The following MKLN1 variants were observed in gnomAD, a reference collection of about 807,000 sequenced individuals.
MKLN1 encodes muskelin 1, also known as muskelin.
Under a neutral mutation model 99.0 loss-of-function variants are expected in MKLN1, and 18 were observed. The ratio of observed to expected loss-of-function variants is 0.18; its 90% CI spans 0.13 to 0.27. MKLN1 has a LOEUF of 0.27. Ranked by LOEUF, MKLN1 falls within the 10% of genes least tolerant of loss-of-function variation. MKLN1 has a pLI of 1.00. For missense variants in MKLN1, 621 were observed against 875.9 expected, an observed-to-expected ratio of 0.71 and a Z score of 3.67; for synonymous variants, 288 against 293.2, an observed-to-expected ratio of 0.98 and a Z score of 0.18.
At chr7:131,231,075 G>A (rs563370858) in intron 3 of MKLN1, among the ~76,000 whole-genome samples, 9 of 119,542 alleles carry the variant, frequency 7.5e-5, no homozygotes, top group South Asian at 3.0e-4. Flanking sequence ...AGCGGAGATC[G>A]TACCACTGCA....
Position 131,227,510 on chromosome 7 carries a change from TTTC to T in MKLN1, c.-179+24539_-179+24541del, listed in dbSNP as rs769853883. On this transcript the variant is annotated intron_variant, in intron 3 of 7. Transcript: ENST00000416992. Reference sequence around the variant, plus strand: ...CTCTTTCTTTCTCTTTCTTTCTTTCTTTCTTTCTTTCTTTCTTTCTTTCTTTCT... The same window carrying T: ...CTCTTTCTTTCTCTTTCTTTCTTTCTTTTCTTTCTTTCTTTCTTTCTTTCT... Among the ~76,000 whole-genome samples the T allele has an allele frequency of 1.6e-3, 230 of 146,548 alleles. 2 individuals are homozygous for T. Among genetic ancestry groups the T allele is most frequent in the Middle Eastern group, 3.4e-3 (1 of 292 alleles).
At chr7:131,429,241 A>C (rs1303731082) in intron 9 of MKLN1, 96 bp downstream of exon 9, 1 of 713,360 alleles carries the variant, frequency 1.4e-6, no homozygotes, top group Non-Finnish European at 2.2e-6. Context: ...AATGTCTGTC[A>C]GCAGTAGTAG....
chr7:131,120,006 T>C (rs1365073810), intron 1 of MKLN1, among the ~76,000 whole-genome samples: 1 of 152,102 alleles, frequency 6.6e-6, no homozygotes, highest in African/African-American at 2.4e-5. Context: ...CAAATGAGGA[T>C]AGGCTTTTAG....
intron 2 of MKLN1, among the ~76,000 whole-genome samples, chr7:131,144,901 C>T (rs1306860253): frequency 6.6e-6 from 1 of 152,052 alleles, no homozygotes; most frequent in Non-Finnish European, 1.5e-5. Flanking sequence ...CGCTTGAACC[C>T]GGTAGGCAGA....
intron 2 of MKLN1, among the ~76,000 whole-genome samples, chr7:131,159,811 AC>A (rs1381439632): frequency 1.3e-5 from 2 of 152,196 alleles, no homozygotes; most frequent in African/African-American, 4.8e-5. Context: ...AATAGTATAT[AC>A]CACTGGCCAG....
intron 3 of MKLN1, among the ~76,000 whole-genome samples, chr7:131,222,884 A>G (rs538508584): frequency 1.8e-4 from 27 of 151,730 alleles, no homozygotes; most frequent in African/African-American, 6.0e-4. Flanking sequence ...AAAAGAAAGA[A>G]AATAAAAACT....
rs1004007108 is a variant in MKLN1, at chr7:131,291,679, G to A, written c.-178-83745G>A. On this transcript the variant is annotated intron_variant, in intron 3 of 7. Transcript: ENST00000416992. ...TGGCTGTACTTAGGAATGATGATGCGACTTTTCCCATGGGGAATAATCACA... is the reference window on the plus strand; with the variant it reads ...TGGCTGTACTTAGGAATGATGATGCAACTTTTCCCATGGGGAATAATCACA... 1.6e-4 allele frequency among the ~76,000 whole-genome samples: 24 copies of A among 148,040 alleles called. No individual in the cohort carries two copies. In the South Asian group the frequency reaches 2.1e-3, roughly 13 times the overall value.
chr7:131,235,294 A>G (rs1273580779), intron 3 of MKLN1, among the ~76,000 whole-genome samples: 1 of 148,082 alleles, frequency 6.8e-6, no homozygotes, highest in Non-Finnish European at 1.5e-5. Flanking sequence ...ACACACACAC[A>G]CTGTGTGTGT....
At chr7:131,392,061 A>G (rs979947847) in intron 4 of MKLN1, among the ~76,000 whole-genome samples, 15 of 152,322 alleles carry the variant, frequency 9.8e-5, no homozygotes, top group Middle Eastern at 3.4e-3. Context: ...GGGAAAGCTC[A>G]GCAGGAGATT....
At chr7:131,353,788 A>G (rs192294138) in intron 1 of MKLN1, among the ~76,000 whole-genome samples, 2 of 148,156 alleles carry the variant, frequency 1.3e-5, no homozygotes, top group Admixed American at 6.7e-5. Flanking sequence ...AATTTTTTTA[A>G]TGAAGTATGA....
chr7:131,368,677 A>G (rs1800253813), intron 1 of MKLN1, among the ~76,000 whole-genome samples: 1 of 152,118 alleles, frequency 6.6e-6, no homozygotes, highest in Non-Finnish European at 1.5e-5. Flanking sequence ...CCTCCTAACA[A>G]GTACCTCCTC....
At chr7:131,398,346 T>C (rs554134631) in intron 5 of MKLN1, among the ~76,000 whole-genome samples, 1 of 152,278 alleles carries the variant, frequency 6.6e-6, no homozygotes, top group South Asian at 2.1e-4. Context: ...TTCCAGTTAA[T>C]TGAGATGTCT....
intron 2 of MKLN1, among the ~76,000 whole-genome samples, chr7:131,190,652 T>C (rs972049237): frequency 2.0e-5 from 3 of 151,560 alleles, no homozygotes; most frequent in Non-Finnish European, 2.9e-5. Flanking sequence ...ACAAAATGAG[T>C]TGGAGGGGAA....
chr7:131,293,597 C>G (rs994235680), intron 3 of MKLN1, among the ~76,000 whole-genome samples: 4 of 152,054 alleles, frequency 2.6e-5, no homozygotes, highest in African/African-American at 9.7e-5. Flanking sequence ...TCACCTGAGG[C>G]CAGGAATTCC....
intron 3 of MKLN1, among the ~76,000 whole-genome samples, chr7:131,230,115 T>C (rs1437371757): frequency 6.6e-6 from 1 of 152,212 alleles, no homozygotes; most frequent in African/African-American, 2.4e-5. Flanking sequence ...TTGTAGGGTG[T>C]GACTTAACCC....
intron 1 of MKLN1, among the ~76,000 whole-genome samples, chr7:131,351,408 A>C (rs1448064231): frequency 6.6e-6 from 1 of 151,942 alleles, no homozygotes; most frequent in Non-Finnish European, 1.5e-5. Context: ...TAATTCCTCT[A>C]TTTGTCATGC....
intron 3 of MKLN1, among the ~76,000 whole-genome samples, chr7:131,235,037 T>C (rs1454094851): frequency 2.0e-5 from 3 of 152,216 alleles, no homozygotes; most frequent in African/African-American, 7.2e-5. Context: ...CCATTCAGTC[T>C]TCCCTGGTTC....
At chr7:131,207,899 A>C (rs894813475) in intron 3 of MKLN1, among the ~76,000 whole-genome samples, 5 of 152,246 alleles carry the variant, frequency 3.3e-5, no homozygotes, top group Non-Finnish European at 7.3e-5. Flanking sequence ...CATATATAGA[A>C]ATATGAAAAA....
chr7:131,381,241 C>T (rs778907123), intron 2 of MKLN1, among the ~76,000 whole-genome samples: 5 of 152,152 alleles, frequency 3.3e-5, no homozygotes, highest in Non-Finnish European at 5.9e-5. Context: ...ATTAAAAAGA[C>T]ATTTGTAACT....
Sources: gnomAD v4.1 joint callset for allele counts (sites outside exome capture counted in the v4.1 genomes callset) on GRCh38, gnomAD v4.1.1 for gene constraint, MANE v1.5 for transcripts, NCBI Gene and HGNC (gene_info 2026-07-23, HGNC 2026-07-21) for gene names.